SUMF1: variants seen among roughly 807,000 people sequenced by gnomAD.
SUMF1 encodes formylglycine-generating enzyme.
SUMF1 carries 48 observed loss-of-function variants against 47.6 expected under a neutral mutation model. The observed-to-expected ratio is 1.01, with a 90% CI of 0.80 to 1.28. SUMF1 has a LOEUF of 1.28. Ranked by LOEUF, SUMF1 falls within the 50% of genes most tolerant of loss-of-function variation. The pLI, the probability that SUMF1 is intolerant of heterozygous loss-of-function variation, is 0.00. For missense variants in SUMF1, 571 were observed against 485.4 expected, an observed-to-expected ratio of 1.18 and a Z score of -1.66; for synonymous variants, 230 against 192.1, an observed-to-expected ratio of 1.20 and a Z score of -1.63.
Position 4,420,134 on chromosome 3 carries a change from G to C in SUMF1, c.532C>G (p.Pro178Ala), listed in dbSNP as rs572034731. ...TNIQQAVAAA[P>A]WWLPVKGANW... ...GCGCCTTTCACAGGTAACCACCAGG[G>C]AGCAGCTGCAACCTCAAAGCAACCC... The change falls in exon 4 of 9, where the codon CCC becomes GCC. Residue 178 changes from proline to alanine, a missense_variant. Transcript: ENST00000272902. 7.4e-6 allele frequency: 12 copies of C among 1,613,958 alleles called. No homozygotes were observed. The Admixed American group carries it at 1.8e-4, about 25-fold the overall frequency.
At chr3:4,428,112 CAT>C (rs1702122663) in intron 3 of SUMF1, among the ~76,000 whole-genome samples, 1 of 152,064 alleles carries the variant, frequency 6.6e-6, no homozygotes, top group Non-Finnish European at 1.5e-5. Flanking sequence ...ACGAATACAT[CAT>C]AGTCATTAAA....
intron 8 of SUMF1, among the ~76,000 whole-genome samples, chr3:4,173,743 G>A (rs772537352): frequency 2.0e-5 from 3 of 152,050 alleles, no homozygotes; most frequent in Non-Finnish European, 2.9e-5. Context: ...CATGGATGAA[G>A]CTGGAAACCA....
chr3:4,414,411 AT>A (rs1369453605), intron 6 of SUMF1, among the ~76,000 whole-genome samples: 55 of 152,376 alleles, frequency 3.6e-4, no homozygotes, highest in African/African-American at 1.2e-3. Flanking sequence ...CCATCTCATT[AT>A]CAAAGTTAAA....
chr3:4,416,302 A>AG (rs1370124424), intron 6 of SUMF1, among the ~76,000 whole-genome samples: 1 of 152,108 alleles, frequency 6.6e-6, no homozygotes, highest in African/African-American at 2.4e-5. Flanking sequence ...TGTTCACTGT[A>AG]GAAAAAAAAA....
intron 8 of SUMF1, among the ~76,000 whole-genome samples, chr3:4,355,113 G>A (rs1185247769): frequency 6.6e-6 from 1 of 152,186 alleles, no homozygotes; most frequent in African/African-American, 2.4e-5. Context: ...ATTTTGGGAT[G>A]CTGAGGCAAG....
At chr3:4,081,885 T>C (rs1011191605) in intron 8 of SUMF1, among the ~76,000 whole-genome samples, 1 of 152,152 alleles carries the variant, frequency 6.6e-6, no homozygotes, top group African/African-American at 2.4e-5. Flanking sequence ...CCATCATACT[T>C]AATGAATGTT....
intron 8 of SUMF1, among the ~76,000 whole-genome samples, chr3:4,128,838 G>A (rs905374843): frequency 6.6e-6 from 1 of 152,062 alleles, no homozygotes; most frequent in African/African-American, 2.4e-5. Context: ...TATTAATTTG[G>A]GCCCACTAAG....
intron 9 of SUMF1, among the ~76,000 whole-genome samples, chr3:4,062,551 A>G (rs1344341231): frequency 6.6e-6 from 1 of 152,184 alleles, no homozygotes; most frequent in Non-Finnish European, 1.5e-5. Flanking sequence ...TTTGAAGAAG[A>G]AAATTTTATT....
At chr3:4,295,051 AT>A (rs1697822407) in intron 8 of SUMF1, among the ~76,000 whole-genome samples, 1 of 152,202 alleles carries the variant, frequency 6.6e-6, no homozygotes, top group Non-Finnish European at 1.5e-5. Flanking sequence ...TGGTTGAAAT[AT>A]CTAAAAATAA....
chr3:4,178,478 C>G (rs971073254), intron 8 of SUMF1, among the ~76,000 whole-genome samples: 1 of 152,092 alleles, frequency 6.6e-6, no homozygotes, highest in Admixed American at 6.6e-5. Context: ...AGGCCTTTGA[C>G]AAAATTCAAC....
chr3:4,101,219 G>T (rs2600152), intron 8 of SUMF1, among the ~76,000 whole-genome samples: 150,558 of 152,188 alleles, frequency 0.99, 74,502 homozygotes, highest in East Asian at 1. Flanking sequence ...TTATTCGCAA[G>T]AGTCAAGATA....
chr3:4,150,549 CAA>C (rs33962142), intron 8 of SUMF1, among the ~76,000 whole-genome samples: 41,215 of 143,958 alleles, frequency 0.29, 6,290 homozygotes, highest in East Asian at 0.42. Flanking sequence ...GACTCCGTCT[CAA>C]AAAAAAAAAA....
intron 8 of SUMF1, among the ~76,000 whole-genome samples, chr3:4,273,377 T>C (rs1697341560): frequency 6.6e-6 from 1 of 152,094 alleles, no homozygotes; most frequent in Non-Finnish European, 1.5e-5. Flanking sequence ...TGCTACAACA[T>C]GAATGAACTT....
intron 7 of SUMF1, among the ~76,000 whole-genome samples, chr3:4,385,328 G>T (rs1409159937): frequency 6.6e-6 from 1 of 152,120 alleles, no homozygotes; most frequent in Non-Finnish European, 1.5e-5. Context: ...ATTCTGATAC[G>T]TGTGTAGTTG....
chr3:4,313,605 C>T, intron 8 of SUMF1: 2 of 1,614,082 alleles, frequency 1.2e-6, no homozygotes, highest in Non-Finnish European at 1.7e-6. Context: ...AACCTTGTTA[C>T]TGTGGTGCCA....
At chr3:4,188,179 C>CTTT (rs112944580) in intron 8 of SUMF1, among the ~76,000 whole-genome samples, 2 of 144,572 alleles carry the variant, frequency 1.4e-5, no homozygotes, top group Admixed American at 6.9e-5. Context: ...TTAGGGTTCA[C>CTTT]TTTTTTTTTT....
intron 8 of SUMF1, among the ~76,000 whole-genome samples, chr3:4,095,229 T>C (rs1335291141): frequency 6.6e-6 from 1 of 152,138 alleles, no homozygotes; most frequent in Non-Finnish European, 1.5e-5. Context: ...CTAAACTCTA[T>C]ATTTTAAACT....
intron 8 of SUMF1, among the ~76,000 whole-genome samples, chr3:4,217,514 TTA>T (rs370463309): frequency 0.042 from 1,902 of 45,274 alleles, 449 homozygotes; most frequent in African/African-American, 0.18. Flanking sequence ...AAAGTATTTT[TTA>T]TATATATATA....
At chr3:4,157,360 T>C (rs1307659943) in intron 8 of SUMF1, among the ~76,000 whole-genome samples, 1 of 151,596 alleles carries the variant, frequency 6.6e-6, no homozygotes, top group African/African-American at 2.4e-5. Context: ...TCACTTGAGG[T>C]TGCTTTCCAA....
Sources: allele counts gnomAD v4.1 joint callset (sites outside exome capture counted in the v4.1 genomes callset), GRCh38; gene constraint gnomAD v4.1.1; transcripts MANE v1.5; gene names NCBI Gene and HGNC (gene_info 2026-07-23, HGNC 2026-07-21).